Variants in RBFOX1 observed in about 807,000 individuals in gnomAD.
RBFOX1 encodes the protein RNA binding fox-1 homolog 1, also known as RNA binding protein fox-1 homolog 1.
RBFOX1 carries 8 observed loss-of-function variants against 57.7 expected under a neutral mutation model. The observed-to-expected ratio is 0.14, with a 90% CI of 0.08 to 0.25. The LOEUF is 0.25. Ranked by LOEUF, RBFOX1 falls within the 10% of genes least tolerant of loss-of-function variation. RBFOX1 has a pLI of 1.00. For missense variants in RBFOX1, 611 were observed against 548.5 expected, an observed-to-expected ratio of 1.11 and a Z score of -1.14; for synonymous variants, 326 against 222.4, an observed-to-expected ratio of 1.47 and a Z score of -4.15.
At chr16:7,379,734 CTGCCTGCCTGCT>C (rs1205669887) in intron 4 of RBFOX1, among the ~76,000 whole-genome samples, 2 of 151,774 alleles carry the variant, frequency 1.3e-5, no homozygotes, top group African/African-American at 4.8e-5. Context: ...TCCTTCCTTT[CTGCCTGCCTGCT>C]TGCCTGCCTG....
chr16:5,315,530 A>T (rs4786669), intron 1 of RBFOX1, among the ~76,000 whole-genome samples: 86,631 of 151,964 alleles, frequency 0.57, 27,178 homozygotes, highest in South Asian at 0.73. Flanking sequence ...AGGTGTTTTG[A>T]GCTGGGAGGG....
chr16:7,157,547 G>T (rs1180690636), intron 4 of RBFOX1, among the ~76,000 whole-genome samples: 1 of 152,198 alleles, frequency 6.6e-6, no homozygotes, highest in East Asian at 1.9e-4. Flanking sequence ...CAACCATGGG[G>T]CTTTGCATAG....
At chr16:7,267,374 A>C (rs2095185655) in intron 4 of RBFOX1, among the ~76,000 whole-genome samples, 1 of 151,674 alleles carries the variant, frequency 6.6e-6, no homozygotes. Context: ...GTCTCTACTA[A>C]AAATATAAAA....
intron 4 of RBFOX1, among the ~76,000 whole-genome samples, chr16:7,155,330 T>C (rs2152320108): frequency 6.6e-6 from 1 of 152,222 alleles, no homozygotes; most frequent in Admixed American, 6.5e-5. Flanking sequence ...CAGTGGCTAC[T>C]TGTGATCCTG....
chr16:6,696,499 G>A (rs925279564), intron 3 of RBFOX1, among the ~76,000 whole-genome samples: 1 of 152,122 alleles, frequency 6.6e-6, no homozygotes, highest in Non-Finnish European at 1.5e-5. Flanking sequence ...ATGAGATTCA[G>A]TTTTTCATTG....
At chr16:7,270,810 T>G (rs1030033625) in intron 4 of RBFOX1, among the ~76,000 whole-genome samples, 2 of 152,184 alleles carry the variant, frequency 1.3e-5, no homozygotes, top group African/African-American at 2.4e-5. Context: ...CTATCAACTT[T>G]CCCCGCTTTC....
intron 2 of RBFOX1, among the ~76,000 whole-genome samples, chr16:6,337,385 A>G (rs1350907867): frequency 6.6e-6 from 1 of 152,238 alleles, no homozygotes. Flanking sequence ...TCAACCTGAA[A>G]AGCCAAAGTT....
chr16:6,491,655 C>A (rs1374356301), intron 2 of RBFOX1, among the ~76,000 whole-genome samples: 3 of 152,090 alleles, frequency 2.0e-5, no homozygotes, highest in Admixed American at 2.0e-4. Context: ...CATTATTGGC[C>A]TGAATATTTC....
chr16:5,736,686 G>C (rs1420040162), intron 3 of RBFOX1, among the ~76,000 whole-genome samples: 5 of 152,042 alleles, frequency 3.3e-5, no homozygotes, highest in African/African-American at 1.2e-4. Flanking sequence ...CTCTCAGATT[G>C]TCTGTCTCTG....
intron 2 of RBFOX1, among the ~76,000 whole-genome samples, chr16:5,547,251 G>T (rs2045247242): frequency 6.6e-6 from 1 of 152,162 alleles, no homozygotes; most frequent in Non-Finnish European, 1.5e-5. Flanking sequence ...CATGTCTAGA[G>T]GTATTTATCC....
intron 4 of RBFOX1, among the ~76,000 whole-genome samples, chr16:7,292,255 TATATG>T (rs2095799939): frequency 9.0e-6 from 1 of 111,340 alleles, no homozygotes; most frequent in African/African-American, 4.0e-5. Flanking sequence ...ATATATATGA[TATATG>T]ATATAGAACG....
chr16:7,196,008 C>T (rs934018792), intron 4 of RBFOX1, among the ~76,000 whole-genome samples: 6 of 151,242 alleles, frequency 4.0e-5, no homozygotes, highest in African/African-American at 1.2e-4. Flanking sequence ...AGGCTGTCAC[C>T]GTCTGAAAAA....
chr16:5,349,372 A>G (rs2065211664), intron 1 of RBFOX1, among the ~76,000 whole-genome samples: 2 of 152,180 alleles, frequency 1.3e-5, no homozygotes, highest in Admixed American at 6.5e-5. Context: ...AACACCATGC[A>G]CTTAAAAACT....
intron 1 of RBFOX1, among the ~76,000 whole-genome samples, chr16:5,328,895 T>C (rs1300005839): frequency 6.6e-6 from 1 of 152,252 alleles, no homozygotes; most frequent in Non-Finnish European, 1.5e-5. Context: ...TTCCGGGTCC[T>C]ACCCAGTTCC....
chr16:6,275,302 C>G (rs1313297759), intron 1 of RBFOX1, among the ~76,000 whole-genome samples: 1 of 99,078 alleles, frequency 1.0e-5, no homozygotes, highest in Non-Finnish European at 2.1e-5. Flanking sequence ...CAGAGTGAGA[C>G]TCCATCTCAA....
intron 2 of RBFOX1, among the ~76,000 whole-genome samples, chr16:6,330,368 C>A (rs946031273): frequency 6.6e-6 from 1 of 152,180 alleles, no homozygotes; most frequent in Admixed American, 6.5e-5. Context: ...TCCCAAGAAG[C>A]CTTGCACAGC....
chr16:7,009,434 C>G (rs1313124511), intron 3 of RBFOX1, among the ~76,000 whole-genome samples: 2 of 151,644 alleles, frequency 1.3e-5, no homozygotes, highest in Non-Finnish European at 2.9e-5. Flanking sequence ...TGCAAGAAAC[C>G]CTGCAGATCA....
At chr16:6,700,885 C>G (rs1259555567) in intron 3 of RBFOX1, among the ~76,000 whole-genome samples, 1 of 152,040 alleles carries the variant, frequency 6.6e-6, no homozygotes, top group Non-Finnish European at 1.5e-5. Flanking sequence ...TCCAAATATC[C>G]TCTTTACCCA....
intron 1 of RBFOX1, among the ~76,000 whole-genome samples, chr16:6,109,971 G>A (rs2096425612): frequency 6.6e-6 from 1 of 151,962 alleles, no homozygotes; most frequent in Non-Finnish European, 1.5e-5. Flanking sequence ...ACTTTTTTAT[G>A]TATCTTGGGT....
Sources: gnomAD v4.1 joint callset for allele counts (sites outside exome capture counted in the v4.1 genomes callset) on GRCh38, gnomAD v4.1.1 for gene constraint, MANE v1.5 for transcripts, NCBI Gene and HGNC (gene_info 2026-07-23, HGNC 2026-07-21) for gene names.